The following EPHA3 variants were observed in gnomAD, a reference collection of about 807,000 sequenced individuals.
EPHA3 encodes EPH receptor A3.
In EPHA3, 42 loss-of-function variants were observed where a neutral mutation model predicts 107.1. The ratio of observed to expected loss-of-function variants is 0.39; its 90% CI spans 0.31 to 0.51. The LOEUF (loss-of-function observed/expected upper bound fraction) is 0.51. Among genes scored for constraint, EPHA3 ranks in the 20% least tolerant of loss-of-function variants. The probability of loss-of-function intolerance (pLI) is 0.78; values close to 1 mark genes in which losing one functional copy is unlikely to be tolerated. For missense variants in EPHA3, 1,183 were observed against 1,211.2 expected (o/e 0.98, Z 0.35); for synonymous variants, 461 against 424.8 (o/e 1.09, Z -1.05).
intron 3 of EPHA3, among the ~76,000 whole-genome samples, chr3:89,219,445 G>A (rs1014218483): frequency 2.6e-5 from 4 of 151,944 alleles, no homozygotes; most frequent in South Asian, 2.1e-4. Flanking sequence ...TTACAGGCAT[G>A]AGCCTCCGTG....
chr3:89,317,468 C>T (rs1224843564), intron 3 of EPHA3, among the ~76,000 whole-genome samples: 2 of 151,554 alleles, frequency 1.3e-5, no homozygotes, highest in Non-Finnish European at 2.9e-5. Flanking sequence ...AGCAAAGTAG[C>T]AAAATATTAT....
intron 2 of EPHA3, among the ~76,000 whole-genome samples, chr3:89,204,420 A>C (rs1308854547): frequency 1.3e-5 from 2 of 151,850 alleles, no homozygotes; most frequent in Non-Finnish European, 2.9e-5. Flanking sequence ...CCAACATCAA[A>C]TCTCCATCTT....
At chr3:89,259,161 A>G (rs1170300296) in intron 3 of EPHA3, among the ~76,000 whole-genome samples, 1 of 152,182 alleles carries the variant, frequency 6.6e-6, no homozygotes, top group Admixed American at 6.5e-5. Context: ...AATTACTTGC[A>G]AGAGTTTGCA....
chr3:89,233,231 G>T (rs767772454), intron 3 of EPHA3, among the ~76,000 whole-genome samples: 2 of 151,994 alleles, frequency 1.3e-5, no homozygotes. Context: ...GAAAATCAAA[G>T]AAATATTAAA....
At chr3:89,364,686 AT>A (rs139888442) in intron 5 of EPHA3, among the ~76,000 whole-genome samples, 4,553 of 151,164 alleles carry the variant, frequency 0.03, 300 homozygotes, top group Middle Eastern at 0.065. Flanking sequence ...TTTTATGCAA[AT>A]TTAAGATATT....
intron 2 of EPHA3, among the ~76,000 whole-genome samples, chr3:89,155,253 T>C (rs1238414092): frequency 1.3e-5 from 2 of 151,958 alleles, no homozygotes; most frequent in African/African-American, 4.8e-5. Flanking sequence ...TACTATTTCT[T>C]TATTTGTTAA....
chr3:89,355,965 T>G (rs1050888206), intron 5 of EPHA3, among the ~76,000 whole-genome samples: 1 of 149,062 alleles, frequency 6.7e-6, no homozygotes, highest in Admixed American at 6.8e-5. Context: ...GTACTTCTCC[T>G]AAAGCTATCC....
Position 89,186,264 on chromosome 3 carries a change from A to G in EPHA3, c.154-23596A>G, listed in dbSNP as rs116546255. Among the ~76,000 whole-genome samples, 805 of 152,106 alleles carry G rather than the reference A, an allele frequency of 5.3e-3. 10 individuals carry two copies. The highest frequency in any genetic ancestry group is 0.015 in the African/African-American group (602 of 41,512). On this transcript the variant is annotated intron_variant, in intron 2 of 16. Transcript: ENST00000336596. ...TTGATACTATATTGTAACTTCCTCT[A>G]CACCTAACACCCTTTACCTTGTCTT...
chr3:89,432,554 A>G (rs1221803996), intron 13 of EPHA3, among the ~76,000 whole-genome samples: 9 of 152,090 alleles, frequency 5.9e-5, no homozygotes, highest in Non-Finnish European at 1.3e-4. Flanking sequence ...ACAGGCATGG[A>G]CCACCAGCCC....
At chr3:89,228,567 A>G (rs1704554073) in intron 3 of EPHA3, among the ~76,000 whole-genome samples, 2 of 151,994 alleles carry the variant, frequency 1.3e-5, no homozygotes, top group Non-Finnish European at 2.9e-5. Flanking sequence ...TTGGAAAGAT[A>G]AATGCTATAT....
At chr3:89,191,222 C>T (rs1273515219) in intron 2 of EPHA3, among the ~76,000 whole-genome samples, 1 of 152,098 alleles carries the variant, frequency 6.6e-6, no homozygotes, top group Non-Finnish European at 1.5e-5. Context: ...ACCTTTAATG[C>T]ACTCTCCAGC....
At chr3:89,158,569 C>A (rs1353267038) in intron 2 of EPHA3, among the ~76,000 whole-genome samples, 2 of 152,156 alleles carry the variant, frequency 1.3e-5, no homozygotes, top group Non-Finnish European at 2.9e-5. Context: ...GTACAGGATG[C>A]TCCTTATTAT....
chr3:89,320,986 T>C (rs1220793028), intron 3 of EPHA3, among the ~76,000 whole-genome samples: 1 of 152,040 alleles, frequency 6.6e-6, no homozygotes, highest in Non-Finnish European at 1.5e-5. Context: ...ATGGGCTATG[T>C]ATATTTTATG....
intron 3 of EPHA3, among the ~76,000 whole-genome samples, chr3:89,277,058 A>G (rs1348307742): frequency 6.6e-6 from 1 of 152,112 alleles, no homozygotes; most frequent in African/African-American, 2.4e-5. Flanking sequence ...CTAAATGCAT[A>G]TGGACTAGCC....
intron 9 of EPHA3, among the ~76,000 whole-genome samples, chr3:89,409,246 C>A (rs989756414): frequency 1.3e-4 from 19 of 151,950 alleles, no homozygotes; most frequent in African/African-American, 4.6e-4. Context: ...ATTAGGTGAC[C>A]AACTCAAAAG....
At chr3:89,133,925 T>C (rs919641380) in intron 2 of EPHA3, among the ~76,000 whole-genome samples, 1 of 152,112 alleles carries the variant, frequency 6.6e-6, no homozygotes, top group African/African-American at 2.4e-5. Context: ...GAGATGCTTG[T>C]CACCAGTTGT....
chr3:89,165,278 C>G (rs1302390552), intron 2 of EPHA3, among the ~76,000 whole-genome samples: 3 of 152,160 alleles, frequency 2.0e-5, no homozygotes, highest in Non-Finnish European at 4.4e-5. Context: ...CAATGCTTAA[C>G]TAATCCTCAA....
At chr3:89,371,587 C>T (rs772098936) in intron 5 of EPHA3, among the ~76,000 whole-genome samples, 1 of 151,486 alleles carries the variant, frequency 6.6e-6, no homozygotes, top group African/African-American at 2.4e-5. Flanking sequence ...CAGCCAGGGC[C>T]ACCTCCAGTT....
At chr3:89,214,416 A>G (rs1024467449) in intron 3 of EPHA3, among the ~76,000 whole-genome samples, 5 of 151,990 alleles carry the variant, frequency 3.3e-5, no homozygotes, top group African/African-American at 9.7e-5. Flanking sequence ...TCTTGTTTCA[A>G]TACATTTTAG....
Sources: allele counts gnomAD v4.1 joint callset (sites outside exome capture counted in the v4.1 genomes callset), GRCh38; gene constraint gnomAD v4.1.1; transcripts MANE v1.5; gene names NCBI Gene and HGNC (gene_info 2026-07-23, HGNC 2026-07-21).